TMEM117: variants seen among roughly 807,000 people sequenced by gnomAD.
TMEM117 encodes transmembrane protein 117.
A neutral mutation model predicts 52.4 loss-of-function variants in TMEM117; 27 were observed. The observed-to-expected ratio is 0.51, with a 90% confidence interval of 0.38 to 0.71. The LOEUF (loss-of-function observed/expected upper bound fraction) is 0.71. Ranked by LOEUF, TMEM117 falls within the 30% of genes least tolerant of loss-of-function variation. The probability of loss-of-function intolerance (pLI) is 0.00; values close to 1 mark genes in which losing one functional copy is unlikely to be tolerated. For missense variants in TMEM117, 556 were observed against 630.5 expected (o/e 0.88, Z 1.26); for synonymous variants, 215 against 206.3 (o/e 1.04, Z -0.36).
At chr12:44,164,522 T>C (rs2138263216) in intron 4 of TMEM117, among the ~76,000 whole-genome samples, 1 of 152,234 alleles carries the variant, frequency 6.6e-6, no homozygotes, top group African/African-American at 2.4e-5. Context: ...TTTAAGTTGT[T>C]ACAAAGGCCA....
At chr12:44,374,612 C>T (rs1023359778) in intron 6 of TMEM117, among the ~76,000 whole-genome samples, 2 of 133,632 alleles carry the variant, frequency 1.5e-5, no homozygotes, top group East Asian at 4.6e-4. Context: ...AATCAAGGAA[C>T]TATTTGTGTG....
At chr12:44,092,231 T>G (rs1236440171) in intron 3 of TMEM117, among the ~76,000 whole-genome samples, 1 of 152,236 alleles carries the variant, frequency 6.6e-6, no homozygotes, top group Admixed American at 6.5e-5. Context: ...GATTAAATGC[T>G]CAACTTTGTG....
the TMEM117 span, chr12:43,804,167 G>A: frequency 3.1e-6 from 1 of 323,666 alleles, no homozygotes; most frequent in Non-Finnish European, 6.2e-6. Flanking sequence ...TTTTTTTTTT[G>A]ATAATCACCT....
At chr12:44,199,429 T>C (rs1949463501) in intron 4 of TMEM117, among the ~76,000 whole-genome samples, 1 of 152,214 alleles carries the variant, frequency 6.6e-6, no homozygotes, top group African/African-American at 2.4e-5. Flanking sequence ...TACTTGCTTA[T>C]AATTTCACCT....
chr12:43,980,404 C>A (rs1398174495), intron 3 of TMEM117, among the ~76,000 whole-genome samples: 1 of 151,730 alleles, frequency 6.6e-6, no homozygotes, highest in Non-Finnish European at 1.5e-5. Context: ...GTACCTTCTT[C>A]TAGGAACCAT....
intron 4 of TMEM117, among the ~76,000 whole-genome samples, chr12:44,196,715 G>T (rs938165864): frequency 6.6e-6 from 1 of 152,058 alleles, no homozygotes; most frequent in Non-Finnish European, 1.5e-5. Context: ...AAATTTCTAA[G>T]TTTTCTATTA....
At chr12:44,308,780 C>A (rs1011399370) in intron 6 of TMEM117, among the ~76,000 whole-genome samples, 1 of 152,058 alleles carries the variant, frequency 6.6e-6, no homozygotes, top group Admixed American at 6.6e-5. Flanking sequence ...CCACCGCGCC[C>A]GGCTAATTTT....
intron 6 of TMEM117, among the ~76,000 whole-genome samples, chr12:44,338,028 C>T (rs751489140): frequency 3.3e-5 from 5 of 151,984 alleles, no homozygotes; most frequent in South Asian, 2.1e-4. Flanking sequence ...ACAGGCTTTA[C>T]GTTAGAGCTA....
intron 2 of TMEM117, among the ~76,000 whole-genome samples, chr12:43,926,128 G>A (rs573977367): frequency 2.6e-5 from 4 of 152,216 alleles, no homozygotes; most frequent in Middle Eastern, 3.4e-3. Context: ...GAAGTTATTC[G>A]TTGCATACAT....
chr12:43,869,947 G>A (rs1430539803), intron 2 of TMEM117, among the ~76,000 whole-genome samples: 2 of 152,008 alleles, frequency 1.3e-5, no homozygotes, highest in Non-Finnish European at 2.9e-5. Flanking sequence ...ACAGGCCCCA[G>A]TGTGTGTTGT....
At chr12:43,976,672 CT>C (rs1343611508) in intron 3 of TMEM117, among the ~76,000 whole-genome samples, 2 of 152,106 alleles carry the variant, frequency 1.3e-5, no homozygotes, top group Non-Finnish European at 2.9e-5. Flanking sequence ...GCAAAACCTC[CT>C]GGCCTTCCAA....
intron 1 of TMEM117, among the ~76,000 whole-genome samples, chr12:43,840,290 A>C (rs1279208106): frequency 1.3e-5 from 2 of 152,228 alleles, no homozygotes; most frequent in East Asian, 3.8e-4. Flanking sequence ...TAAAATGAGG[A>C]AAATAATATT....
chr12:43,848,701 G>C (rs1943254691), intron 2 of TMEM117, among the ~76,000 whole-genome samples: 1 of 152,150 alleles, frequency 6.6e-6, no homozygotes, highest in South Asian at 2.1e-4. Flanking sequence ...TGGTCCTGAG[G>C]TGACATACAT....
At chr12:43,892,181 T>A (rs1233016228) in intron 2 of TMEM117, among the ~76,000 whole-genome samples, 2 of 152,264 alleles carry the variant, frequency 1.3e-5, no homozygotes, top group Non-Finnish European at 2.9e-5. Flanking sequence ...GAAAGTCAAC[T>A]AAGGGAAAAG....
intron 5 of TMEM117, among the ~76,000 whole-genome samples, chr12:44,237,685 C>T (rs900909262): frequency 6.6e-6 from 1 of 151,980 alleles, no homozygotes; most frequent in Non-Finnish European, 1.5e-5. Flanking sequence ...CCACCGCACT[C>T]CCGCCTGGGA....
At position 43,967,893 on chromosome 12, in the gene TMEM117, G is replaced by A. The variant is rs138000027; in HGVS notation, c.410+23551G>A. On this transcript the variant is annotated intron_variant, in intron 3 of 7. Coordinates refer to ENST00000266534, the MANE Select transcript of TMEM117 (RefSeq NM_032256.3). ...AATACACAGAAACATGCGTGTGCGT[G>A]TGGACACGCACACATACACAGAATG... 4.0e-3 allele frequency among the ~76,000 whole-genome samples: 605 copies of A among 152,362 alleles called. 5 individuals carry two copies. Among genetic ancestry groups the A allele is most frequent in the African/African-American group, 0.013 (549 of 41,590 alleles).
intron 2 of TMEM117, among the ~76,000 whole-genome samples, chr12:43,912,603 C>G (rs1198093925): frequency 1.3e-5 from 2 of 148,306 alleles, no homozygotes; most frequent in African/African-American, 2.6e-5. Flanking sequence ...ATCCTTGGCA[C>G]TTTTAAGAGT....
At chr12:44,185,935 GTGT>G (rs1949272595) in intron 4 of TMEM117, among the ~76,000 whole-genome samples, 1 of 150,190 alleles carries the variant, frequency 6.7e-6, no homozygotes, top group South Asian at 2.1e-4. Flanking sequence ...CTTTCTTATA[GTGT>G]TATTATTAGT....
At chr12:44,387,902 AT>A (rs1184796267) in intron 7 of TMEM117, 123 bp from the exon 8 acceptor site, 18 of 911,726 alleles carry the variant, frequency 2.0e-5, no homozygotes, top group Admixed American at 5.8e-5. Context: ...CAAAATATTA[AT>A]TGTTAACCAG....
Sources: allele counts gnomAD v4.1 joint callset (sites outside exome capture counted in the v4.1 genomes callset), GRCh38; gene constraint gnomAD v4.1.1; transcripts MANE v1.5; gene names NCBI Gene and HGNC (gene_info 2026-07-23, HGNC 2026-07-21).